Variants in SH3GL3 observed in about 807,000 individuals in gnomAD.
SH3GL3 encodes SH3 domain containing GRB2 like 3, endophilin A3, also known as endophilin-A3.
In SH3GL3, 33 loss-of-function variants were observed where a neutral mutation model predicts 47.7. The ratio of observed to expected loss-of-function variants is 0.69; its 90% CI spans 0.52 to 0.92. The LOEUF (loss-of-function observed/expected upper bound fraction) is 0.92, where lower values mean the gene tolerates loss of function less well. Ranked by LOEUF, SH3GL3 falls within the 40% of genes least tolerant of loss-of-function variation. SH3GL3 has a pLI of 0.00. For missense variants in SH3GL3, 363 were observed against 417.8 expected (o/e 0.87, Z 1.14); for synonymous variants, 155 against 148.8 (o/e 1.04, Z -0.30).
intron 1 of SH3GL3, among the ~76,000 whole-genome samples, chr15:83,549,704 A>G (rs991344172): frequency 6.6e-6 from 1 of 152,214 alleles, no homozygotes; most frequent in African/African-American, 2.4e-5. Context: ...GAAATTGAAC[A>G]TAGCTTGTCA....
At chr15:83,505,390 T>C (rs2042456900) in intron 1 of SH3GL3, among the ~76,000 whole-genome samples, 1 of 152,130 alleles carries the variant, frequency 6.6e-6, no homozygotes, top group South Asian at 2.1e-4. Flanking sequence ...CAATCCGTGG[T>C]ATTATTGGTC....
At chr15:83,549,821 C>G (rs182612018) in intron 1 of SH3GL3, among the ~76,000 whole-genome samples, 1 of 152,278 alleles carries the variant, frequency 6.6e-6, no homozygotes, top group East Asian at 1.9e-4. Context: ...CCTAGTAAGA[C>G]TGCTGCAAGT....
chr15:83,496,220 G>T (rs1353438738), intron 1 of SH3GL3, among the ~76,000 whole-genome samples: 1 of 151,816 alleles, frequency 6.6e-6, no homozygotes, highest in Non-Finnish European at 1.5e-5. Flanking sequence ...AGCCAGGCGT[G>T]GTGGTGCACG....
intron 1 of SH3GL3, among the ~76,000 whole-genome samples, chr15:83,518,793 A>C (rs775275995): frequency 7.2e-5 from 11 of 152,142 alleles, no homozygotes; most frequent in African/African-American, 2.2e-4. Flanking sequence ...GCTTTTGAGG[A>C]CTTAGTCATA....
chr15:83,586,705 T>C (rs1416408883), intron 6 of SH3GL3, among the ~76,000 whole-genome samples: 1 of 152,204 alleles, frequency 6.6e-6, no homozygotes, highest in Non-Finnish European at 1.5e-5. Context: ...GAAAATCTGC[T>C]GAGAAAAATC....
chr15:83,631,654 T>C, the SH3GL3 span, among the ~76,000 whole-genome samples: 42 of 152,322 alleles, frequency 2.8e-4, no homozygotes, highest in Admixed American at 6.5e-4. Context: ...CAGCTGGAGC[T>C]GAAGCAGCTG....
intron 2 of SH3GL3, among the ~76,000 whole-genome samples, chr15:83,559,929 T>A (rs2045178166): frequency 6.6e-6 from 1 of 152,230 alleles, no homozygotes; most frequent in Non-Finnish European, 1.5e-5. Flanking sequence ...ATGACGGGCT[T>A]GAGACAGAAA....
chr15:83,574,537 C>T (rs2059624071), intron 5 of SH3GL3, among the ~76,000 whole-genome samples: 1 of 152,164 alleles, frequency 6.6e-6, no homozygotes, highest in South Asian at 2.1e-4. Context: ...ACACACAGCA[C>T]AGCTGCCCTT....
intron 6 of SH3GL3, among the ~76,000 whole-genome samples, chr15:83,578,456 C>G (rs2059743728): frequency 6.6e-6 from 1 of 152,182 alleles, no homozygotes; most frequent in Non-Finnish European, 1.5e-5. Context: ...ACACTGAGGT[C>G]TTACATCCTT....
At chr15:83,486,121 A>G (rs1354128912) in intron 1 of SH3GL3, among the ~76,000 whole-genome samples, 1 of 152,190 alleles carries the variant, frequency 6.6e-6, no homozygotes, top group African/African-American at 2.4e-5. Flanking sequence ...TGCCCAGCCT[A>G]TATTCAAATT....
chr15:83,451,040 G>A (rs2039750045), intron 1 of SH3GL3, among the ~76,000 whole-genome samples: 1 of 119,570 alleles, frequency 8.4e-6, no homozygotes, highest in Non-Finnish European at 1.7e-5. Context: ...CCACCTATGA[G>A]TGAGAATATG....
intron 1 of SH3GL3, among the ~76,000 whole-genome samples, chr15:83,480,686 A>G (rs1436924626): frequency 1.3e-5 from 2 of 152,248 alleles, no homozygotes; most frequent in African/African-American, 4.8e-5. Flanking sequence ...ACATGTGCAG[A>G]CTTTTTCTTG....
intron 1 of SH3GL3, among the ~76,000 whole-genome samples, chr15:83,537,837 C>T (rs959188740): frequency 6.6e-6 from 1 of 152,082 alleles, no homozygotes; most frequent in African/African-American, 2.4e-5. Flanking sequence ...CACTGGCACC[C>T]TTTCTTGTTT....
At chr15:83,499,971 A>G (rs1367174392) in intron 1 of SH3GL3, among the ~76,000 whole-genome samples, 1 of 152,232 alleles carries the variant, frequency 6.6e-6, no homozygotes, top group Non-Finnish European at 1.5e-5. Context: ...AGTCTGCTGA[A>G]AAATGGACAC....
chr15:83,486,774 T>C (rs543446028), intron 1 of SH3GL3, among the ~76,000 whole-genome samples: 1 of 152,330 alleles, frequency 6.6e-6, no homozygotes, highest in East Asian at 1.9e-4. Flanking sequence ...AGATGTTTAT[T>C]TTTCAGTTAT....
intron 5 of SH3GL3, among the ~76,000 whole-genome samples, chr15:83,575,961 T>C (rs563372155): frequency 6.6e-6 from 1 of 152,150 alleles, no homozygotes; most frequent in Non-Finnish European, 1.5e-5. Context: ...GCCTGTTCCA[T>C]GAGTGGACAG....
intron 1 of SH3GL3, among the ~76,000 whole-genome samples, chr15:83,538,194 A>T (rs1201491404): frequency 1.3e-5 from 2 of 152,140 alleles, no homozygotes; most frequent in African/African-American, 4.8e-5. Context: ...AGACTTCCAG[A>T]TGCGGATTGT....
intron 1 of SH3GL3, among the ~76,000 whole-genome samples, chr15:83,469,936 G>A (rs1164719772): frequency 6.6e-6 from 1 of 152,080 alleles, no homozygotes; most frequent in African/African-American, 2.4e-5. Flanking sequence ...TTATGGATTT[G>A]TCTCCCTTCT....
chr15:83,592,039 A>G (rs1182863628), intron 8 of SH3GL3, among the ~76,000 whole-genome samples: 1 of 152,182 alleles, frequency 6.6e-6, no homozygotes, highest in Non-Finnish European at 1.5e-5. Flanking sequence ...TTTCCCCATC[A>G]ACTCCTTTCC....
Sources: allele counts gnomAD v4.1 joint callset (sites outside exome capture counted in the v4.1 genomes callset), GRCh38; gene constraint gnomAD v4.1.1; transcripts MANE v1.5; gene names NCBI Gene and HGNC (gene_info 2026-07-23, HGNC 2026-07-21).